The following VGLL1 variants were observed in gnomAD, a reference collection of about 807,000 sequenced individuals.
The protein encoded by VGLL1 is transcription cofactor vestigial-like protein 1.
VGLL1 carries 4 observed loss-of-function variants against 12.0 expected under a neutral mutation model. That is an observed-to-expected ratio of 0.33 (90% CI 0.16 to 0.76). The LOEUF is 0.76. Ranked by LOEUF, VGLL1 falls within the 30% of genes least tolerant of loss-of-function variation. The pLI is 0.60. For synonymous variants in VGLL1, 87 were observed against 81.2 expected (o/e 1.07, Z -0.39); for missense variants, 204 against 208.7 (o/e 0.98, Z 0.14).
At chrX:136,537,766 A>G (rs1237555522) in intron 2 of VGLL1, among the ~76,000 whole-genome samples, 1 of 105,767 alleles carries the variant, frequency 9.5e-6, no homozygotes, top group African/African-American at 3.5e-5. Context: ...GGATCTCGCT[A>G]TGTTGCCCAG....
intron 2 of VGLL1, among the ~76,000 whole-genome samples, chrX:136,536,540 C>T (rs1179187844): frequency 3.6e-5 from 4 of 111,236 alleles, no homozygotes; most frequent in African/African-American, 1.3e-4. Flanking sequence ...TCTTCCCTCC[C>T]TTCTCCTAAT....
At chrX:136,550,965 CTCAG>C (rs777071536) in intron 4 of VGLL1, 144 bp downstream of exon 4, 2 of 512,955 alleles carry the variant, frequency 3.9e-6, no homozygotes, top group Non-Finnish European at 6.7e-6. Context: ...ATTTCTATCA[CTCAG>C]TGTTTTCATA....
intron 2 of VGLL1, among the ~76,000 whole-genome samples, chrX:136,540,157 T>A (rs952679124): frequency 8.9e-6 from 1 of 111,773 alleles, no homozygotes; most frequent in Non-Finnish European, 1.9e-5. Flanking sequence ...AGGAGGGCAG[T>A]CAGAATGGTA....
At chrX:136,541,935 T>G (rs1366839867) in intron 2 of VGLL1, among the ~76,000 whole-genome samples, 1 of 112,080 alleles carries the variant, frequency 8.9e-6, no homozygotes, top group Non-Finnish European at 1.9e-5. Flanking sequence ...AAAAGGACAT[T>G]GGGAATTTTA....
chrX:136,545,099 A>G (rs1352890235), intron 2 of VGLL1, among the ~76,000 whole-genome samples: 1 of 112,412 alleles, frequency 8.9e-6, no homozygotes, highest in African/African-American at 3.2e-5. Flanking sequence ...AACCTTTTAC[A>G]TGGATGGTCT....
At position 136,547,221 on chromosome X, in the gene VGLL1, G is replaced by C. The variant is rs1358743248; in HGVS notation, c.215-1368G>C. On this transcript the variant is annotated intron_variant, in intron 2 of 4. Transcript: ENST00000370634. The stretch of plus-strand genomic sequence containing the variant: ...CTCCATTATCTTGGATAGATGATAG[G>C]CTCCAGGCTTTAAGAACTGTGTGGA... Among the ~76,000 whole-genome samples, 11 of 112,091 alleles carry C rather than the reference G, an allele frequency of 9.8e-5. No homozygotes were observed. The East Asian group carries it at 3.1e-3, about 31-fold the overall frequency.
intron 4 of VGLL1, among the ~76,000 whole-genome samples, chrX:136,555,994 G>A (rs184934611): frequency 9.0e-6 from 1 of 111,188 alleles, no homozygotes; most frequent in African/African-American, 3.3e-5. Context: ...TGAGTATGAA[G>A]GATAGAGAAT....
chrX:136,542,989 C>G (rs2075860485), intron 2 of VGLL1, among the ~76,000 whole-genome samples: 1 of 111,932 alleles, frequency 8.9e-6, no homozygotes, highest in South Asian at 3.7e-4. Context: ...GTCCATTTTC[C>G]TGATGAGGAA....
At chrX:136,551,099 T>C in intron 4 of VGLL1, 1 of 280,647 alleles carries the variant, frequency 3.6e-6, no homozygotes, top group East Asian at 6.9e-5. Flanking sequence ...TTCTTTCTTT[T>C]TTTTTTAACC....
chrX:136,548,721 C>T lies in VGLL1; in HGVS notation c.347C>T (p.Ser116Leu). The change falls in exon 3 of 5, where the codon TCA (serine) becomes TTA (leucine). Residue 116 changes from serine to leucine, a missense_variant. Coordinates refer to ENST00000370634, the MANE Select transcript of VGLL1 (RefSeq NM_016267.4). ...GGTCCCATGGCTGTGAATCAGTTCT[C>T]ACCGTCCCTGGCTAGGAGGGCCTCT... ...VPGPMAVNQF[S>L]PSLARRASVR... 8.3e-7 allele frequency: 1 copy of T among 1,212,079 alleles called. No individual in the cohort carries two copies. Among genetic ancestry groups the T allele is most frequent in the Non-Finnish European group, 1.1e-6 (1 of 895,633 alleles).
At chrX:136,547,699 G>T (rs2075873216) in intron 2 of VGLL1, among the ~76,000 whole-genome samples, 1 of 111,504 alleles carries the variant, frequency 9.0e-6, no homozygotes, top group South Asian at 3.8e-4. Flanking sequence ...CCCCTATTTG[G>T]TGTATTTAAA....
intron 2 of VGLL1, among the ~76,000 whole-genome samples, chrX:136,538,084 T>C (rs2075845278): frequency 8.9e-6 from 1 of 111,847 alleles, no homozygotes; most frequent in Non-Finnish European, 1.9e-5. Context: ...GTCTATTTGC[T>C]AATTGTTAAG....
In VGLL1 at chrX:136,548,724, C is replaced by A. The variant is rs745583325; in HGVS notation, c.350C>A (p.Pro117Gln). Residue 117 changes from proline (P) to glutamine (Q), a missense_variant, in exon 3 of 5, where the codon CCG becomes CAG. By Grantham distance (76) the Pro-to-Gln change is moderately conservative. Transcript: ENST00000370634. ...CCCATGGCTGTGAATCAGTTCTCAC[C>A]GTCCCTGGCTAGGAGGGCCTCTGTT... ...PGPMAVNQFS[P>Q]SLARRASVRP... The A allele has an allele frequency of 5.0e-6, 6 of 1,210,527 alleles. No individual in the cohort carries two copies. The African/African-American group carries it at 1.0e-4, about 21-fold the overall frequency.
At chrX:136,542,159 C>T (rs73242342) in intron 2 of VGLL1, among the ~76,000 whole-genome samples, 7,156 of 109,139 alleles carry the variant, frequency 0.066, 216 homozygotes, top group Non-Finnish European at 0.1. Context: ...CCTTCTCTCT[C>T]CCCTCCCATC....
intron 2 of VGLL1, among the ~76,000 whole-genome samples, chrX:136,546,350 C>T (rs2075869634): frequency 9.0e-6 from 1 of 111,609 alleles, no homozygotes; most frequent in African/African-American, 3.3e-5. Context: ...CCACTCAAAT[C>T]CAGGGTCTCC....
At chrX:136,538,906 C>CTTGCTGTTAAA (rs2075847988) in intron 2 of VGLL1, among the ~76,000 whole-genome samples, 2 of 73,907 alleles carry the variant, frequency 2.7e-5, no homozygotes, top group Non-Finnish European at 5.0e-5. Flanking sequence ...TTAAAATGGG[C>CTTGCTGTTAAA]AGGAGGGGGT....
chrX:136,549,626 C>G (rs1362223836), intron 3 of VGLL1, among the ~76,000 whole-genome samples: 1 of 109,969 alleles, frequency 9.1e-6, no homozygotes, highest in Non-Finnish European at 1.9e-5. Context: ...CACCCCTCCC[C>G]TGAACTAAAA....
At position 136,548,849 on chromosome X, in the gene VGLL1, C is replaced by T; in HGVS notation, c.475C>T (p.Pro159Ser). Residue 159 changes from proline (P) to serine (S), a missense_variant, in exon 3 of 5, where the codon CCC (proline) becomes TCC (serine). Transcript: ENST00000370634. ...CCCCGCTCGGCACCTGGTTCCAGAG[C>T]CCCAGCCTGATGGGAAACGTGAGCC... Reference protein sequence around the residue: ...PFPARHLVPEPQPDGKREPLL... With the variant: ...PFPARHLVPESQPDGKREPLL... 8.2e-7 allele frequency: 1 copy of T among 1,212,162 alleles called. No individual in the cohort carries two copies. Among genetic ancestry groups the T allele is most frequent in the Non-Finnish European group, 1.1e-6 (1 of 895,632 alleles).
chrX:136,553,905 ATGT>A, intron 4 of VGLL1, among the ~76,000 whole-genome samples: 1 of 112,239 alleles, frequency 8.9e-6, no homozygotes, highest in Non-Finnish European at 1.9e-5. Flanking sequence ...AGTCTCACAA[ATGT>A]TGTTCAAAAG....
Sources: gnomAD v4.1 joint callset for allele counts (sites outside exome capture counted in the v4.1 genomes callset) on GRCh38, gnomAD v4.1.1 for gene constraint, MANE v1.5 for transcripts, NCBI Gene and HGNC (gene_info 2026-07-23, HGNC 2026-07-21) for gene names.